The following TM9SF3 variants were observed in gnomAD, a reference collection of about 807,000 sequenced individuals.
TM9SF3 encodes SM-11044-binding protein.
In TM9SF3, 14 loss-of-function variants were observed where a neutral mutation model predicts 78.6. The ratio of observed to expected loss-of-function variants is 0.18; its 90% CI spans 0.12 to 0.28. TM9SF3 has a LOEUF of 0.28. Among genes scored for constraint, TM9SF3 ranks in the 10% least tolerant of loss-of-function variants. The pLI, the probability that TM9SF3 is intolerant of heterozygous loss-of-function variation, is 1.00. For synonymous variants in TM9SF3, 231 were observed against 241.7 expected (o/e 0.96, Z 0.41); for missense variants, 496 against 721.9 (o/e 0.69, Z 3.59).
At chr10:96,566,851 G>A (rs986537242) in intron 2 of TM9SF3, among the ~76,000 whole-genome samples, 17 of 152,146 alleles carry the variant, frequency 1.1e-4, no homozygotes, top group African/African-American at 4.1e-4. Context: ...ATGAACAAAA[G>A]GTAGCAGGCA....
At chr10:96,565,006 GA>G (rs1336544096) in intron 3 of TM9SF3, among the ~76,000 whole-genome samples, 2 of 151,758 alleles carry the variant, frequency 1.3e-5, no homozygotes, top group Admixed American at 6.6e-5. Flanking sequence ...ATTAAGATAT[GA>G]AAAAAAATGG....
At chr10:96,565,478 A>AT in intron 2 of TM9SF3, 52 bp from the exon 3 acceptor site, 1 of 1,497,456 alleles carries the variant, frequency 6.7e-7, no homozygotes, top group Non-Finnish European at 8.8e-7. Context: ...AAATAGTTAC[A>AT]TTAAAAAAAA....
At chr10:96,562,177 T>C in intron 3 of TM9SF3, 39 bp from the exon 4 acceptor site, 1 of 1,424,988 alleles carries the variant, frequency 7.0e-7, no homozygotes, top group Non-Finnish European at 9.6e-7. Context: ...GTAAAACCAC[T>C]TAATATTTAA....
chr10:96,576,082 A>G lies in TM9SF3; in HGVS notation c.298+552T>C, dbSNP rs550487420. On this transcript the variant is annotated intron_variant, in intron 2 of 14. Coordinates refer to ENST00000371142, the MANE Select transcript of TM9SF3 (RefSeq NM_020123.4). ...CTGATAAATAATACATGTTAAGCCT[A>G]TGGTACAAGTTTGAATTTGAGGCGT... Among the ~76,000 whole-genome samples the G allele has an allele frequency of 9.2e-5, 14 of 152,312 alleles. No individual in the cohort carries two copies. In the South Asian group the frequency reaches 2.9e-3, roughly 32 times the overall value.
rs1415073530 is a variant in TM9SF3, at chr10:96,586,824, C to T, written c.12G>A (p.Leu4=). MRP[L]PGALGVAAAA... ...CCGCCGCCACGCCAAGAGCGCCAGG[C>T]AGCGGCCTCATCCTCCGCGCCCCTC... The change falls in exon 1 of 15, where the codon CTG becomes CTA. Residue 4 remains leucine (L), a synonymous_variant. Coordinates refer to ENST00000371142, the MANE Select transcript of TM9SF3 (RefSeq NM_020123.4). 8.8e-6 allele frequency: 11 copies of T among 1,244,820 alleles called. No homozygotes were observed. The highest frequency in any genetic ancestry group is 3.1e-4 in the Middle Eastern group (1 of 3,256). 77.1% of individuals were successfully genotyped at this position (1,244,820 alleles called of 1,614,324 possible).
At chr10:96,532,691 G>C (rs983244768) in intron 10 of TM9SF3, among the ~76,000 whole-genome samples, 3 of 152,146 alleles carry the variant, frequency 2.0e-5, no homozygotes, top group African/African-American at 7.2e-5. Context: ...CAGAGAATAT[G>C]TAAACAAATG....
At chr10:96,559,531 A>C in intron 5 of TM9SF3, 128 bp downstream of exon 5, 1 of 568,880 alleles carries the variant, frequency 1.8e-6, no homozygotes, top group Non-Finnish European at 2.8e-6. Context: ...CTCATACTTT[A>C]AATCACCATT....
intron 5 of TM9SF3, 141 bp downstream of exon 5, chr10:96,559,518 A>C: frequency 1.9e-6 from 1 of 531,546 alleles, no homozygotes; most frequent in East Asian, 3.3e-5. Context: ...TTATGATTTC[A>C]AGCTCATACT....
At chr10:96,559,815 T>C (rs1564935830) in intron 4 of TM9SF3, 79 bp from the exon 5 acceptor site, 3 of 769,548 alleles carry the variant, frequency 3.9e-6, no homozygotes, top group Non-Finnish European at 4.1e-6. Flanking sequence ...GAGCAAAATA[T>C]AGATTTACAC....
At chr10:96,557,547 G>C (rs7919739) in intron 5 of TM9SF3, among the ~76,000 whole-genome samples, 89,146 of 151,884 alleles carry the variant, frequency 0.59, 27,858 homozygotes, top group East Asian at 0.83. Flanking sequence ...AAACACTACA[G>C]TGCTCCCCTG....
Position 96,551,419 on chromosome 10 carries a change from CAA to C in TM9SF3, c.793-10_793-9del. ...ATCTCCTAGGTCTCTATCCTATATA[CAA>C]ATATATATATAGAGAGAGAAAAGCA... On this transcript the variant is annotated splice_polypyrimidine_tract_variant and intron_variant, in intron 6 of 14. Transcript: ENST00000371142. The C allele has an allele frequency of 6.4e-7, 1 of 1,563,878 alleles. No individual in the cohort carries two copies. Among genetic ancestry groups the C allele is most frequent in the Non-Finnish European group, 8.7e-7 (1 of 1,154,422 alleles).
chr10:96,573,475 C>T (rs1848461583), intron 2 of TM9SF3, among the ~76,000 whole-genome samples: 1 of 152,190 alleles, frequency 6.6e-6, no homozygotes, highest in Non-Finnish European at 1.5e-5. Context: ...GCTTCTTTAG[C>T]AGCATATCCA....
intron 1 of TM9SF3, among the ~76,000 whole-genome samples, chr10:96,582,903 A>G (rs1055163851): frequency 2.0e-5 from 3 of 151,926 alleles, no homozygotes; most frequent in Non-Finnish European, 4.4e-5. Context: ...ACATGGAGAA[A>G]CCCTGTCTCA....
At chr10:96,572,688 G>A (rs1408050469) in intron 2 of TM9SF3, among the ~76,000 whole-genome samples, 2 of 151,666 alleles carry the variant, frequency 1.3e-5, no homozygotes, top group African/African-American at 2.4e-5. Context: ...CACCGTGCCC[G>A]GCGAATTTTT....
chr10:96,546,334 C>G (rs1054530424), intron 8 of TM9SF3, among the ~76,000 whole-genome samples: 5 of 152,088 alleles, frequency 3.3e-5, no homozygotes, highest in Non-Finnish European at 7.3e-5. Context: ...TAGACCTGAG[C>G]CTGAACTCTG....
chr10:96,528,301 T>C, intron 11 of TM9SF3, 124 bp from the exon 12 acceptor site: 1 of 861,100 alleles, frequency 1.2e-6, no homozygotes, highest in Non-Finnish European at 1.7e-6. Context: ...TCAAGTATCT[T>C]CCAACAGCTT....
rs190608391 is a variant in TM9SF3 at position 96,552,917 on chromosome 10, T to C, written c.792+11A>G. The C allele has an allele frequency of 9.8e-6, 15 of 1,523,638 alleles. No individual in the cohort carries two copies. The South Asian group carries it at 1.3e-4, about 13-fold the overall frequency. 94.4% of individuals were successfully genotyped at this position (1,523,638 alleles called of 1,614,324 possible). ...AATGTTTCTACAAATATAATGTAAA[T>C]GTTTACTCACCATATCATCCATTTC... On this transcript the variant is annotated intron_variant, in intron 6 of 14. Coordinates refer to ENST00000371142, the MANE Select transcript of TM9SF3 (RefSeq NM_020123.4).
chr10:96,559,800 ACT>A (rs1848281844), intron 4 of TM9SF3, 64 bp from the exon 5 acceptor site: 1 of 926,438 alleles, frequency 1.1e-6, no homozygotes, highest in Non-Finnish European at 1.6e-6. Flanking sequence ...TGATGACAAA[ACT>A]CTGAGCAAAA....
At chr10:96,579,746 T>C (rs546101101) in intron 1 of TM9SF3, among the ~76,000 whole-genome samples, 1 of 152,342 alleles carries the variant, frequency 6.6e-6, no homozygotes, top group East Asian at 1.9e-4. Context: ...TTTTGCTCCT[T>C]ACTATGCAGA....
Sources: gnomAD v4.1 joint callset for allele counts (sites outside exome capture counted in the v4.1 genomes callset) on GRCh38, gnomAD v4.1.1 for gene constraint, MANE v1.5 for transcripts, NCBI Gene and HGNC (gene_info 2026-07-23, HGNC 2026-07-21) for gene names.